NAV2: variants seen among roughly 807,000 people sequenced by gnomAD.
The protein encoded by NAV2 is neuron navigator 2.
In NAV2, 54 loss-of-function variants were observed where a neutral mutation model predicts 223.2. The observed-to-expected ratio is 0.24, with a 90% CI of 0.19 to 0.30. NAV2 has a LOEUF of 0.30. Among genes scored for constraint, NAV2 ranks in the 10% least tolerant of loss-of-function variants. The pLI is 1.00. For missense variants in NAV2, 2,806 were observed against 3,147.5 expected (o/e 0.89, Z 2.60); for synonymous variants, 1,279 against 1,239.3 (o/e 1.03, Z -0.67).
At chr11:19,517,968 C>T (rs77743754) in intron 1 of NAV2, among the ~76,000 whole-genome samples, 1 of 152,248 alleles carries the variant, frequency 6.6e-6, no homozygotes, top group Admixed American at 6.5e-5. Flanking sequence ...AACAACAAAA[C>T]TGTGCTTTGT....
chr11:19,618,545 C>T (rs2046883070), intron 1 of NAV2, among the ~76,000 whole-genome samples: 1 of 149,764 alleles, frequency 6.7e-6, no homozygotes, highest in African/African-American at 2.5e-5. Flanking sequence ...TGGATGGGTC[C>T]CTGGTGACTC....
Position 20,045,269 on chromosome 11 carries a change from A to C in NAV2, c.3501A>C (p.Ser1167=). 1 of 1,614,188 alleles carries C rather than the reference A, an allele frequency of 6.2e-7. No individual in the cohort carries two copies. Among genetic ancestry groups the C allele is most frequent in the South Asian group, 1.1e-5 (1 of 91,086 alleles). The change falls in exon 14 of 38, where the codon TCA becomes TCC. Residue 1167 remains serine, a synonymous_variant. Coordinates refer to ENST00000349880, the MANE Select transcript of NAV2 (RefSeq NM_145117.5). ...ALVSRSAGRK[S]SMDGAQNQDD... ...TCAGTCGGTCTGCTGGTCGGAAGTCAAGTATGGATGGGGCTCAGAATCAGG... is the reference window on the plus strand; with the variant it reads ...TCAGTCGGTCTGCTGGTCGGAAGTCCAGTATGGATGGGGCTCAGAATCAGG...
chr11:19,505,440 TG>T (rs2043094677), intron 1 of NAV2: 1 of 152,214 alleles, frequency 6.6e-6, no homozygotes, highest in Non-Finnish European at 1.5e-5. Context: ...GAAGCGGAGA[TG>T]GAATCACTTA....
chr11:19,680,321 C>G (rs372327908), intron 1 of NAV2, among the ~76,000 whole-genome samples: 1 of 152,146 alleles, frequency 6.6e-6, no homozygotes, highest in East Asian at 1.9e-4. Flanking sequence ...GTCAGGGGCT[C>G]GGCCATTCCT....
chr11:20,042,396 A>G (rs970853495), intron 12 of NAV2, among the ~76,000 whole-genome samples: 1 of 152,176 alleles, frequency 6.6e-6, no homozygotes, highest in Admixed American at 6.5e-5. Flanking sequence ...GCCCACATGT[A>G]GGAACTCCCC....
Position 19,492,984 on chromosome 11 carries a change from C to T in NAV2, c.75+141957C>T, listed in dbSNP as rs538883432. 2.9e-4 allele frequency among the ~76,000 whole-genome samples: 44 copies of T among 152,264 alleles called. No homozygotes were observed. In the South Asian group the frequency reaches 7.1e-3, roughly 24 times the overall value. ...CCTTAATGTCTCTATCACTGGAGCA[C>T]CTTCTACTTTACCTCTCTGAGCCAC... On this transcript the variant is annotated intron_variant, in intron 1 of 37. Coordinates refer to the NAV2 transcript ENST00000360655.
At chr11:19,991,761 A>G (rs2051361120) in intron 11 of NAV2, among the ~76,000 whole-genome samples, 1 of 152,146 alleles carries the variant, frequency 6.6e-6, no homozygotes, top group African/African-American at 2.4e-5. Context: ...GGCCCAAGTG[A>G]GAATGAACTT....
At chr11:19,565,125 C>A (rs931504744) in intron 1 of NAV2, among the ~76,000 whole-genome samples, 1 of 152,100 alleles carries the variant, frequency 6.6e-6, no homozygotes, top group Non-Finnish European at 1.5e-5. Context: ...CAGAGTGAGA[C>A]CCTGCCTGCC....
At chr11:19,428,787 T>C (rs1369867248) in intron 1 of NAV2, among the ~76,000 whole-genome samples, 1 of 152,218 alleles carries the variant, frequency 6.6e-6, no homozygotes, top group Non-Finnish European at 1.5e-5. Context: ...TAGGACTGAC[T>C]GTTAACTTGT....
chr11:19,708,185 AG>A (rs2049729495), upstream of NAV2, among the ~76,000 whole-genome samples: 1 of 152,150 alleles, frequency 6.6e-6, no homozygotes, highest in Non-Finnish European at 1.5e-5. Flanking sequence ...GACTTTCCAA[AG>A]AGATGTCTTA....
At chr11:19,489,533 G>A (rs928410012) in intron 1 of NAV2, among the ~76,000 whole-genome samples, 4 of 152,122 alleles carry the variant, frequency 2.6e-5, no homozygotes, top group Non-Finnish European at 5.9e-5. Context: ...TTAAATGAGG[G>A]TCACAGTCTC....
intron 1 of NAV2, among the ~76,000 whole-genome samples, chr11:19,553,167 C>A (rs2044743863): frequency 6.6e-6 from 1 of 152,172 alleles, no homozygotes; most frequent in Non-Finnish European, 1.5e-5. Flanking sequence ...GGGCAGCATT[C>A]TTTCAATGCA....
intron 1 of NAV2, among the ~76,000 whole-genome samples, chr11:19,618,404 G>GAAT: frequency 2.7e-5 from 1 of 37,082 alleles, no homozygotes; most frequent in South Asian, 1.1e-3. Flanking sequence ...ATGAATAGAT[G>GAAT]GATGGATGGA....
At chr11:19,765,262 C>T (rs796093600) in intron 1 of NAV2, among the ~76,000 whole-genome samples, 7 of 152,206 alleles carry the variant, frequency 4.6e-5, no homozygotes, top group African/African-American at 1.7e-4. Context: ...TGTAAAAAGC[C>T]AGATAGTAAA....
chr11:19,881,162 CT>C (rs1296271666), intron 5 of NAV2, among the ~76,000 whole-genome samples: 3 of 152,206 alleles, frequency 2.0e-5, no homozygotes, highest in Non-Finnish European at 2.9e-5. Context: ...TTACAGCCTT[CT>C]TTTTTCCCCA....
intron 7 of NAV2, among the ~76,000 whole-genome samples, chr11:19,936,326 T>G (rs2045901308): frequency 2.6e-5 from 4 of 152,230 alleles, no homozygotes; most frequent in Admixed American, 2.6e-4. Context: ...TTGATCACCA[T>G]CAATCCCATT....
At chr11:19,830,474 T>G (rs920131240) in intron 1 of NAV2, among the ~76,000 whole-genome samples, 3 of 152,204 alleles carry the variant, frequency 2.0e-5, no homozygotes, top group African/African-American at 7.2e-5. Context: ...CTCTTCAGTT[T>G]TCTCCTCTGA....
chr11:19,644,263 G>C (rs1193838252), intron 1 of NAV2, among the ~76,000 whole-genome samples: 3 of 152,218 alleles, frequency 2.0e-5, no homozygotes, highest in Non-Finnish European at 4.4e-5. Context: ...TCTCCACTTT[G>C]ATGCCCAACC....
Position 19,933,583 on chromosome 11 carries a change from C to T in NAV2, c.1339C>T (p.Arg447Cys), listed in dbSNP as rs753216243. 13 of 1,611,792 alleles carry T rather than the reference C, an allele frequency of 8.1e-6. No homozygotes were observed. In the East Asian group the frequency reaches 8.9e-5, roughly 11 times the overall value. The change falls in exon 7 of 38, where the codon CGC (arginine) becomes TGC (cysteine). Residue 447 changes from arginine (R) to cysteine (C), a missense_variant. Coordinates refer to ENST00000349880, the MANE Select transcript of NAV2 (RefSeq NM_145117.5). This position sits in a 1 kb window ranked among gnomAD's most constrained non-coding sequence, Gnocchi z 4.3. The stretch of plus-strand genomic sequence containing the variant: ...GAGCGAGGAGCTGGAGGCCGCCAGT[C>T]GCATGCTCACCACCGTGGGCCCTGC... Reference protein sequence around the residue: ...EESEELEAASRMLTTVGPASS... With the variant: ...EESEELEAASCMLTTVGPASS...
Sources: gnomAD v4.1 joint callset for allele counts (sites outside exome capture counted in the v4.1 genomes callset) on GRCh38, gnomAD v4.1.1 for gene constraint, Gnocchi (gnomAD v3.1) non-coding constraint, MANE v1.5 for transcripts, NCBI Gene and HGNC (gene_info 2026-07-23, HGNC 2026-07-21) for gene names.